The following ABCB11 variants were observed in gnomAD, a reference collection of about 807,000 sequenced individuals.
ABCB11 encodes bile salt export pump.
A neutral mutation model predicts 148.0 loss-of-function variants in ABCB11; 95 were observed. That is an observed-to-expected ratio of 0.64 (90% CI 0.54 to 0.76). The LOEUF is 0.76. Ranked by LOEUF, ABCB11 falls within the 30% of genes least tolerant of loss-of-function variation. The pLI is 0.00. For synonymous variants in ABCB11, 591 were observed against 555.4 expected, an observed-to-expected ratio of 1.06 and a Z score of -0.90; for missense variants, 1,523 against 1,617.8, an observed-to-expected ratio of 0.94 and a Z score of 1.01.
At chr2:168,962,462 C>T (rs1456456164) in intron 18 of ABCB11, among the ~76,000 whole-genome samples, 1 of 151,574 alleles carries the variant, frequency 6.6e-6, no homozygotes, top group Non-Finnish European at 1.5e-5. Flanking sequence ...ATCTGATCTC[C>T]AGATGTCCAG....
chr2:168,996,415 A>T (rs1694714328), intron 6 of ABCB11, among the ~76,000 whole-genome samples: 1 of 151,882 alleles, frequency 6.6e-6, no homozygotes, highest in South Asian at 2.1e-4. Context: ...ACAGGACATT[A>T]CAACTACGAG....
At chr2:168,974,733 T>C (rs1218273732) in intron 12 of ABCB11, among the ~76,000 whole-genome samples, 2 of 151,928 alleles carry the variant, frequency 1.3e-5, no homozygotes, top group Non-Finnish European at 2.9e-5. Flanking sequence ...TTAAAAGTAA[T>C]GGCAAAAACC....
intron 1 of ABCB11, among the ~76,000 whole-genome samples, chr2:169,028,008 G>T (rs1204630523): frequency 1.3e-5 from 2 of 152,076 alleles, no homozygotes; most frequent in Admixed American, 6.6e-5. Flanking sequence ...CAGTTTTATG[G>T]GAACACAGTC....
At chr2:169,018,995 G>A (rs527741836) in intron 1 of ABCB11, among the ~76,000 whole-genome samples, 199 of 151,886 alleles carry the variant, frequency 1.3e-3, no homozygotes, top group African/African-American at 4.5e-3. Context: ...TTTAGCTGGC[G>A]AGAGGACTGT....
chr2:168,975,135 A>G, intron 12 of ABCB11, among the ~76,000 whole-genome samples: 1 of 128,010 alleles, frequency 7.8e-6, no homozygotes, highest in East Asian at 2.6e-4. Flanking sequence ...TTTTATATTT[A>G]AATATTTATA....
chr2:169,013,596 ATGAATAG>A, intron 4 of ABCB11, 86 bp from the exon 5 acceptor site: 1 of 1,096,112 alleles, frequency 9.1e-7, no homozygotes, highest in Non-Finnish European at 1.3e-6. Flanking sequence ...CTAGATTCTC[ATGAATAG>A]TACTCAACAC....
chr2:168,995,122 TTTAA>T (rs1694671047), intron 7 of ABCB11, among the ~76,000 whole-genome samples: 1 of 152,036 alleles, frequency 6.6e-6, no homozygotes, highest in Admixed American at 6.6e-5. Context: ...TTTCTAATAT[TTTAA>T]TTAAGGTCTA....
At chr2:169,021,188 C>T (rs1362577969) in intron 1 of ABCB11, among the ~76,000 whole-genome samples, 1 of 152,052 alleles carries the variant, frequency 6.6e-6, no homozygotes, top group Non-Finnish European at 1.5e-5. Context: ...GTCTCAAACT[C>T]CTGGCCTCTG....
chr2:168,958,252 A>G, intron 18 of ABCB11, 124 bp from the exon 19 acceptor site: 1 of 855,990 alleles, frequency 1.2e-6, no homozygotes, highest in Non-Finnish European at 1.8e-6. Flanking sequence ...TCAAATGTCT[A>G]TGGGATATGG....
At chr2:168,940,116 C>T (rs1691997873) in intron 21 of ABCB11, among the ~76,000 whole-genome samples, 1 of 152,006 alleles carries the variant, frequency 6.6e-6, no homozygotes, top group African/African-American at 2.4e-5. Flanking sequence ...ACCTTGGCCT[C>T]TAAGTGTTCA....
intron 5 of ABCB11, among the ~76,000 whole-genome samples, chr2:169,002,302 A>G (rs1694899447): frequency 6.6e-6 from 1 of 152,180 alleles, no homozygotes; most frequent in Non-Finnish European, 1.5e-5. Flanking sequence ...GATGACATCA[A>G]GTGATGGCAA....
intron 23 of ABCB11, among the ~76,000 whole-genome samples, chr2:168,933,935 T>C (rs2105894354): frequency 6.6e-6 from 1 of 152,088 alleles, no homozygotes; most frequent in African/African-American, 2.4e-5. Flanking sequence ...TATTTTTTTG[T>C]AGAGATGAGG....
chr2:169,002,502 T>C (rs776107624), intron 5 of ABCB11, among the ~76,000 whole-genome samples: 1 of 152,184 alleles, frequency 6.6e-6, no homozygotes, highest in African/African-American at 2.4e-5. Flanking sequence ...TACGCTCCCA[T>C]GCACACTGCA....
intron 21 of ABCB11, among the ~76,000 whole-genome samples, chr2:168,941,322 G>A (rs923921514): frequency 7.9e-5 from 12 of 151,996 alleles, no homozygotes; most frequent in African/African-American, 2.9e-4. Context: ...ATATATTTAT[G>A]AAAGAACATT....
chr2:168,993,926 A>G, intron 7 of ABCB11, 44 bp from the exon 8 acceptor site: 1 of 1,461,068 alleles, frequency 6.8e-7, no homozygotes, highest in Non-Finnish European at 9.4e-7. Flanking sequence ...GAATTTGATC[A>G]TTCAAATATC....
chr2:169,020,363 A>G (rs568550727), intron 1 of ABCB11, among the ~76,000 whole-genome samples: 3 of 152,164 alleles, frequency 2.0e-5, no homozygotes, highest in Non-Finnish European at 4.4e-5. Flanking sequence ...AGAAAAAGCA[A>G]TGAAAAAGTA....
At chr2:168,949,325 G>C (rs563545836) in intron 19 of ABCB11, among the ~76,000 whole-genome samples, 1 of 151,566 alleles carries the variant, frequency 6.6e-6, no homozygotes, top group South Asian at 2.1e-4. Context: ...GTACCCAATA[G>C]GCAATTTTTC....
chr2:169,018,797 C>T (rs1573986000), intron 1 of ABCB11, among the ~76,000 whole-genome samples: 1 of 152,244 alleles, frequency 6.6e-6, no homozygotes, highest in Non-Finnish European at 1.5e-5. Context: ...GCTTCACTAA[C>T]TTTCTCTGCT....
intron 18 of ABCB11, among the ~76,000 whole-genome samples, chr2:168,962,749 G>A (rs1693131835): frequency 6.6e-6 from 1 of 151,710 alleles, no homozygotes; most frequent in Non-Finnish European, 1.5e-5. Context: ...ACATCTTATA[G>A]TTATCTGGGA....
Sources: allele counts gnomAD v4.1 joint callset (sites outside exome capture counted in the v4.1 genomes callset), GRCh38; gene constraint gnomAD v4.1.1; transcripts MANE v1.5; gene names NCBI Gene and HGNC (gene_info 2026-07-23, HGNC 2026-07-21).